SGCZ: variants seen among roughly 807,000 people sequenced by gnomAD.
SGCZ encodes sarcoglycan zeta.
SGCZ carries 40 observed loss-of-function variants against 41.3 expected under a neutral mutation model. The observed-to-expected ratio is 0.97, with a 90% CI of 0.75 to 1.26. The LOEUF (loss-of-function observed/expected upper bound fraction) is 1.26. Ranked by LOEUF, SGCZ falls within the 50% of genes most tolerant of loss-of-function variation. The probability of loss-of-function intolerance (pLI) is 0.00; values close to 1 mark genes in which losing one functional copy is unlikely to be tolerated. For synonymous variants in SGCZ, 206 were observed against 137.5 expected (o/e 1.50, Z -3.49); for missense variants, 552 against 369.8 (o/e 1.49, Z -4.04).
In SGCZ at chr8:14,089,588, C is replaced by T. The variant is rs1393696465; in HGVS notation, c.*855G>A. On this transcript the variant is annotated 3_prime_UTR_variant, in exon 8 of 8. Coordinates refer to ENST00000382080, the MANE Select transcript of SGCZ (RefSeq NM_139167.4). ...GATAGCATGTGAATTTTTTAAAAAT[C>T]ATCTATGGATTTAATACCATCAACA... Among the ~76,000 whole-genome samples the T allele has an allele frequency of 6.6e-6, 1 of 151,926 alleles. No individual in the cohort carries two copies. The highest frequency in any genetic ancestry group is 1.5e-5 in the Non-Finnish European group (1 of 67,958).
At chr8:15,154,190 A>G (rs1799260307) in intron 1 of SGCZ, among the ~76,000 whole-genome samples, 1 of 152,214 alleles carries the variant, frequency 6.6e-6, no homozygotes, top group Admixed American at 6.5e-5. Flanking sequence ...TTTTCTTTAT[A>G]GCAAGGCAAA....
At chr8:14,890,984 T>A (rs2726607) in intron 1 of SGCZ, among the ~76,000 whole-genome samples, 3 of 152,104 alleles carry the variant, frequency 2.0e-5, no homozygotes, top group African/African-American at 4.8e-5. Context: ...GTTTAAGCCC[T>A]CTATTGAGAC....
At chr8:14,917,033 G>A (rs910261941) in intron 1 of SGCZ, among the ~76,000 whole-genome samples, 6 of 152,044 alleles carry the variant, frequency 3.9e-5, no homozygotes, top group African/African-American at 1.4e-4. Context: ...AACAGTCACA[G>A]CTTTTCAAAC....
At chr8:14,573,457 G>T (rs527291579) in intron 1 of SGCZ, among the ~76,000 whole-genome samples, 1 of 151,806 alleles carries the variant, frequency 6.6e-6, no homozygotes, top group Non-Finnish European at 1.5e-5. Flanking sequence ...CAAAGTGCTG[G>T]GATTACAGGC....
intron 2 of SGCZ, among the ~76,000 whole-genome samples, chr8:14,353,592 T>G (rs1337019082): frequency 6.6e-6 from 1 of 152,120 alleles, no homozygotes; most frequent in African/African-American, 2.4e-5. Flanking sequence ...AGACTTACCC[T>G]TGATGTCTTC....
At chr8:14,377,998 A>G (rs1804200029) in intron 2 of SGCZ, among the ~76,000 whole-genome samples, 1 of 149,676 alleles carries the variant, frequency 6.7e-6, no homozygotes, top group African/African-American at 2.5e-5. Flanking sequence ...ATACGTGTGC[A>G]TGTGTCTTTA....
chr8:14,901,325 T>C (rs1039977205), intron 1 of SGCZ, among the ~76,000 whole-genome samples: 1 of 152,158 alleles, frequency 6.6e-6, no homozygotes, highest in African/African-American at 2.4e-5. Context: ...CATCTGTCCA[T>C]TATGCATGGG....
intron 5 of SGCZ, among the ~76,000 whole-genome samples, chr8:14,141,181 T>G (rs994579101): frequency 2.0e-5 from 3 of 152,138 alleles, no homozygotes; most frequent in African/African-American, 7.2e-5. Flanking sequence ...TCAAGATGGA[T>G]TAAAGATTCA....
chr8:14,964,005 A>C (rs1027332664), intron 1 of SGCZ, among the ~76,000 whole-genome samples: 15 of 152,184 alleles, frequency 9.9e-5, no homozygotes, highest in Non-Finnish European at 1.6e-4. Context: ...CGTAAATAAA[A>C]CCCTTCTCCT....
At chr8:14,810,774 A>C (rs73533051) in intron 1 of SGCZ, among the ~76,000 whole-genome samples, 9,514 of 151,984 alleles carry the variant, frequency 0.063, 628 homozygotes, top group African/African-American at 0.17. Context: ...AAACACTATA[A>C]ATTCAGGTTT....
intron 1 of SGCZ, among the ~76,000 whole-genome samples, chr8:14,653,818 C>G (rs1807477043): frequency 6.6e-6 from 1 of 151,920 alleles, no homozygotes; most frequent in Non-Finnish European, 1.5e-5. Context: ...TTAAAAAAAC[C>G]CTCAGTTGTC....
intron 1 of SGCZ, among the ~76,000 whole-genome samples, chr8:14,766,881 T>C (rs1019726976): frequency 2.0e-5 from 3 of 151,984 alleles, no homozygotes; most frequent in Admixed American, 2.0e-4. Context: ...CCTGGCCTGA[T>C]TTACTTTTAA....
chr8:14,802,830 A>T (rs1278288752), intron 1 of SGCZ, among the ~76,000 whole-genome samples: 1 of 152,166 alleles, frequency 6.6e-6, no homozygotes, highest in African/African-American at 2.4e-5. Flanking sequence ...TGAACTGCAA[A>T]TGGCTCATTA....
At chr8:14,870,115 A>T (rs114847653) in intron 1 of SGCZ, among the ~76,000 whole-genome samples, 2,629 of 152,286 alleles carry the variant, frequency 0.017, 71 homozygotes, top group African/African-American at 0.06. Flanking sequence ...GAGCCAGTAT[A>T]GCCAAAACAA....
chr8:14,166,595 T>C (rs905924484), intron 4 of SGCZ, among the ~76,000 whole-genome samples: 1 of 152,176 alleles, frequency 6.6e-6, no homozygotes, highest in Non-Finnish European at 1.5e-5. Flanking sequence ...ATATACTCAG[T>C]TGCTGAGCAT....
chr8:14,893,278 G>C (rs987701651), intron 1 of SGCZ, among the ~76,000 whole-genome samples: 17 of 152,062 alleles, frequency 1.1e-4, no homozygotes, highest in African/African-American at 4.1e-4. Context: ...AATGTGGGGA[G>C]CTCTTAGAAG....
rs192653097 is a variant in SGCZ at position 14,509,144 on chromosome 8, A to G, written c.234+45588T>C. ...AGGAAATTAGTACTGCATCATTAAT[A>G]GTAAATTTAGACTAGATTTTTTGCT... On this transcript the variant is annotated intron_variant, in intron 2 of 7. Transcript: ENST00000382080. 2.6e-5 allele frequency among the ~76,000 whole-genome samples: 4 copies of G among 152,272 alleles called. No homozygotes were observed. The East Asian group carries it at 7.8e-4, about 30-fold the overall frequency.
intron 1 of SGCZ, among the ~76,000 whole-genome samples, chr8:15,122,328 G>T (rs1807513573): frequency 6.6e-6 from 1 of 152,070 alleles, no homozygotes; most frequent in East Asian, 1.9e-4. Flanking sequence ...GGAAACAAGG[G>T]TATTCAAGAC....
intron 1 of SGCZ, among the ~76,000 whole-genome samples, chr8:14,936,562 T>C (rs1328905801): frequency 1.3e-5 from 2 of 151,918 alleles, no homozygotes; most frequent in Non-Finnish European, 2.9e-5. Flanking sequence ...AATTTTAAGT[T>C]GGACTTTTGT....
Sources: allele counts gnomAD v4.1 joint callset (sites outside exome capture counted in the v4.1 genomes callset), GRCh38; gene constraint gnomAD v4.1.1; transcripts MANE v1.5; gene names NCBI Gene and HGNC (gene_info 2026-07-23, HGNC 2026-07-21).